The following AP1S3 variants were observed in gnomAD, a reference collection of about 807,000 sequenced individuals.
AP1S3 encodes the protein adaptor related protein complex 1 subunit sigma 3, also known as AP-1 complex subunit sigma-3.
Under a neutral mutation model 20.9 loss-of-function variants are expected in AP1S3, and 10 were observed. The ratio of observed to expected loss-of-function variants is 0.48; its 90% confidence interval spans 0.29 to 0.81. AP1S3 has a LOEUF of 0.81. AP1S3 is among the 30% of genes least tolerant of loss of function. The pLI, the probability that AP1S3 is intolerant of heterozygous loss-of-function variation, is 0.08. For missense variants in AP1S3, 154 were observed against 183.8 expected (o/e 0.84, Z 0.94); for synonymous variants, 41 against 61.5 (o/e 0.67, Z 1.56).
At chr2:223,837,406 G>A in intron 1 of AP1S3, 42 bp downstream of exon 1, 3 of 1,165,866 alleles carry the variant, frequency 2.6e-6, no homozygotes, top group Non-Finnish European at 3.2e-6. Context: ...GAGCGCGAGC[G>A]CCCCCACCGC....
intron 1 of AP1S3, among the ~76,000 whole-genome samples, chr2:223,830,831 C>G (rs1183959758): frequency 1.3e-5 from 2 of 152,186 alleles, no homozygotes; most frequent in African/African-American, 4.8e-5. Context: ...GTTTCAGAAG[C>G]TACTGAGAGC....
rs1002873761 is a variant in AP1S3, at chr2:223,832,329, TATC to T, written c.3+5116_3+5118del. On this transcript the variant is annotated intron_variant, in intron 1 of 4. Coordinates refer to ENST00000396654, the MANE Select transcript of AP1S3 (RefSeq NM_001039569.2). Reference sequence around the variant, plus strand: ...TGTTGGCAAAATGCCACACAAAAGTTATCAGCAGCTGACAATACTCACCACAAA... The same window carrying T: ...TGTTGGCAAAATGCCACACAAAAGTTAGCAGCTGACAATACTCACCACAAA... 2.6e-5 allele frequency among the ~76,000 whole-genome samples: 4 copies of T among 151,126 alleles called. No homozygotes were observed. The Admixed American group carries it at 2.7e-4, about 10-fold the overall frequency.
At chr2:223,790,841 A>G (rs908057815) in intron 1 of AP1S3, among the ~76,000 whole-genome samples, 5 of 152,214 alleles carry the variant, frequency 3.3e-5, no homozygotes, top group African/African-American at 1.2e-4. Flanking sequence ...GAGGGATATC[A>G]TCACTGACCC....
chr2:223,830,874 A>G (rs983129004), intron 1 of AP1S3, among the ~76,000 whole-genome samples: 29 of 152,366 alleles, frequency 1.9e-4, no homozygotes, highest in African/African-American at 7.0e-4. Flanking sequence ...TGCCTGTAGG[A>G]AAGTTTTTAG....
intron 4 of AP1S3, among the ~76,000 whole-genome samples, chr2:223,761,843 A>G (rs567995398): frequency 1.8e-4 from 28 of 152,328 alleles, no homozygotes; most frequent in African/African-American, 6.5e-4. Flanking sequence ...GAATACAGGC[A>G]TGAGCCATCG....
chr2:223,807,290 A>G (rs1425080534), intron 1 of AP1S3, among the ~76,000 whole-genome samples: 1 of 152,142 alleles, frequency 6.6e-6, no homozygotes, highest in African/African-American at 2.4e-5. Flanking sequence ...ACAGAGAGAA[A>G]AATACAAAAT....
chr2:223,801,543 C>T (rs1395828042), intron 1 of AP1S3, among the ~76,000 whole-genome samples: 1 of 152,132 alleles, frequency 6.6e-6, no homozygotes, highest in Non-Finnish European at 1.5e-5. Context: ...CTGCTGGGAT[C>T]AAGCAATTCT....
At chr2:223,829,856 A>C (rs926095337) in intron 1 of AP1S3, among the ~76,000 whole-genome samples, 12 of 70,894 alleles carry the variant, frequency 1.7e-4, no homozygotes, top group South Asian at 7.6e-4. Context: ...CAAAAAAAAA[A>C]CAAAAAAACA....
chr2:223,769,144 G>A lies in AP1S3; in HGVS notation c.292-3794C>T, dbSNP rs149034304. Among the ~76,000 whole-genome samples, 832 of 152,216 alleles carry A rather than the reference G, an allele frequency of 5.5e-3. 11 individuals carry two copies. The highest frequency in any genetic ancestry group is 0.019 in the African/African-American group (787 of 41,514). On this transcript the variant is annotated intron_variant, in intron 3 of 4. Coordinates refer to ENST00000396654, the MANE Select transcript of AP1S3 (RefSeq NM_001039569.2). ...TTTAAGCAGTTCCTTTATGGATATG[G>A]GCAGACTTTGGGCTGTTTCCAGTTT...
chr2:223,778,753 G>C (rs559896084), intron 1 of AP1S3, among the ~76,000 whole-genome samples: 20 of 150,660 alleles, frequency 1.3e-4, no homozygotes, highest in Non-Finnish European at 2.2e-4. Context: ...CTGGAGTTCA[G>C]TGGCATGATC....
rs1690229896 is a variant in AP1S3, at chr2:223,756,663, A to C, written c.*2052T>G. 1 of 985,198 alleles carries C rather than the reference A, an allele frequency of 1.0e-6. No individual in the cohort carries two copies. The highest frequency in any genetic ancestry group is 6.1e-5 in the Admixed American group (1 of 16,262). 61.0% of individuals were successfully genotyped at this position (985,198 alleles called of 1,614,324 possible). A position where few individuals can be genotyped will look rare whatever the true frequency, so the allele number is the denominator to read the frequency against. Reference sequence around the variant, plus strand: ...AAGCCTAATGATTATTTTATATGCTAATCTGAGTTATTTCCTTTGAACAAT... The same window carrying C: ...AAGCCTAATGATTATTTTATATGCTCATCTGAGTTATTTCCTTTGAACAAT... On this transcript the variant is annotated 3_prime_UTR_variant, in exon 5 of 5. Coordinates refer to ENST00000396654, the MANE Select transcript of AP1S3 (RefSeq NM_001039569.2).
chr2:223,817,602 C>T (rs142465706), intron 1 of AP1S3, among the ~76,000 whole-genome samples: 31 of 94,272 alleles, frequency 3.3e-4, no homozygotes, highest in African/African-American at 1.2e-3. Context: ...AGACAGACTC[C>T]GTCTCAAAAA....
chr2:223,830,478 C>CAAA (rs11359575), intron 1 of AP1S3, among the ~76,000 whole-genome samples: 110 of 116,196 alleles, frequency 9.5e-4, no homozygotes, highest in African/African-American at 3.0e-3. Flanking sequence ...GACTCTCTCT[C>CAAA]AAAAAAAAAA....
At chr2:223,828,295 CTTT>C (rs775000674) in intron 1 of AP1S3, among the ~76,000 whole-genome samples, 2 of 131,378 alleles carry the variant, frequency 1.5e-5, no homozygotes, top group Non-Finnish European at 3.2e-5. Context: ...TCCTCTCTCT[CTTT>C]TTTTTTTTTT....
intron 3 of AP1S3, among the ~76,000 whole-genome samples, chr2:223,774,889 AAG>A (rs375634826): frequency 1.3e-3 from 199 of 152,294 alleles, no homozygotes; most frequent in African/African-American, 4.6e-3. Flanking sequence ...CAACAAGGGG[AAG>A]AAGAGTCACT....
rs542710068 is a variant in AP1S3, at chr2:223,821,304, C to T, written c.3+16144G>A. Among the ~76,000 whole-genome samples the T allele has an allele frequency of 1.4e-4, 22 of 152,162 alleles. No homozygotes were observed. The East Asian group carries it at 3.1e-3, about 21-fold the overall frequency. ...CTGAATAGCTGGGATTACAGGCACC[C>T]GCCACCACACCCAGCTAATTTTTTG... On this transcript the variant is annotated intron_variant, in intron 1 of 4. Transcript: ENST00000396654.
At chr2:223,826,179 A>G (rs1692123696) in intron 1 of AP1S3, among the ~76,000 whole-genome samples, 1 of 152,144 alleles carries the variant, frequency 6.6e-6, no homozygotes, top group South Asian at 2.1e-4. Context: ...TTTCTCCTGG[A>G]GTCCTTTGAG....
At chr2:223,765,508 C>A (rs1304129016) in intron 3 of AP1S3, among the ~76,000 whole-genome samples, 158 bp from the exon 4 acceptor site, 2 of 152,142 alleles carry the variant, frequency 1.3e-5, no homozygotes, top group African/African-American at 4.8e-5. Flanking sequence ...CAGGGAATGT[C>A]AGGCCTTTAA....
chr2:223,759,387 G>A (rs1397272625), intron 4 of AP1S3, among the ~76,000 whole-genome samples: 4 of 152,148 alleles, frequency 2.6e-5, no homozygotes, highest in African/African-American at 4.8e-5. Flanking sequence ...ATGATCAGGA[G>A]GACCACATCC....
Sources: allele counts gnomAD v4.1 joint callset (sites outside exome capture counted in the v4.1 genomes callset), GRCh38; gene constraint gnomAD v4.1.1; transcripts MANE v1.5; gene names NCBI Gene and HGNC (gene_info 2026-07-23, HGNC 2026-07-21).